TMEM232: variants seen among roughly 807,000 people sequenced by gnomAD.
TMEM232 encodes the protein transmembrane protein 232.
Under a neutral mutation model 78.8 loss-of-function variants are expected in TMEM232, and 80 were observed. The ratio of observed to expected loss-of-function variants is 1.01; its 90% CI spans 0.85 to 1.22. The LOEUF is 1.22. Among genes scored for constraint, TMEM232 ranks in the 50% most tolerant of loss-of-function variants. The pLI, the probability that TMEM232 is intolerant of heterozygous loss-of-function variation, is 0.00. For synonymous variants in TMEM232, 297 were observed against 254.3 expected (o/e 1.17, Z -1.60); for missense variants, 881 against 742.2 (o/e 1.19, Z -2.17).
chr5:110,478,005 G>A (rs894963843), intron 12 of TMEM232, among the ~76,000 whole-genome samples: 2 of 151,826 alleles, frequency 1.3e-5, no homozygotes, highest in Non-Finnish European at 3.0e-5. Context: ...TAGAATAGGT[G>A]TTATTATAGT....
chr5:110,733,844 T>C (rs1224626015), intron 2 of TMEM232, among the ~76,000 whole-genome samples: 8 of 152,196 alleles, frequency 5.3e-5, no homozygotes, highest in Non-Finnish European at 1.0e-4. Context: ...ATAAACTTTT[T>C]TAAAAAGTCA....
At chr5:110,657,465 G>C (rs1789243471) in intron 2 of TMEM232, among the ~76,000 whole-genome samples, 1 of 151,880 alleles carries the variant, frequency 6.6e-6, no homozygotes, top group Non-Finnish European at 1.5e-5. Context: ...GCAGTAACAT[G>C]AATGAACCTG....
At chr5:110,559,884 A>C (rs1288795810) in intron 11 of TMEM232, among the ~76,000 whole-genome samples, 5 of 152,004 alleles carry the variant, frequency 3.3e-5, no homozygotes, top group South Asian at 4.1e-4. Context: ...CAATACTTGA[A>C]ATTTCTTGGC....
intron 11 of TMEM232, among the ~76,000 whole-genome samples, chr5:110,536,125 C>G (rs971278744): frequency 1.8e-4 from 28 of 152,080 alleles, no homozygotes; most frequent in African/African-American, 6.3e-4. Flanking sequence ...CTTTTTCTGT[C>G]TTTTCCTTTC....
At chr5:110,512,686 T>C (rs2149475707) in intron 12 of TMEM232, among the ~76,000 whole-genome samples, 1 of 152,302 alleles carries the variant, frequency 6.6e-6, no homozygotes, top group African/African-American at 2.4e-5. Context: ...GTTTATTAAC[T>C]ACTGTAAAAA....
intron 1 of TMEM232, among the ~76,000 whole-genome samples, chr5:110,668,201 G>T (rs1790858961): frequency 6.6e-6 from 1 of 152,114 alleles, no homozygotes; most frequent in Admixed American, 6.6e-5. Flanking sequence ...TACAAAACAA[G>T]ATGGTTGTAT....
At chr5:110,554,900 T>C (rs938327390) in intron 11 of TMEM232, among the ~76,000 whole-genome samples, 1 of 152,192 alleles carries the variant, frequency 6.6e-6, no homozygotes, top group Non-Finnish European at 1.5e-5. Context: ...GTTATGTGTT[T>C]CCAGGAATTT....
Position 110,455,326 on chromosome 5 carries a change from G to C in TMEM232, c.1704-30410C>G, listed in dbSNP as rs1052236792. ...CCCTGATATTAAAACAAACAAAAAA[G>C]GATGTTACAGGAAAAACCTAGTGAA... is the stretch of plus-strand genomic sequence containing the variant. On this transcript the variant is annotated intron_variant, in intron 12 of 13. Coordinates refer to ENST00000455884, the MANE Select transcript of TMEM232 (RefSeq NM_001039763.4). Among the ~76,000 whole-genome samples the C allele has an allele frequency of 4.6e-5, 7 of 151,950 alleles. No homozygotes were observed. The East Asian group carries it at 1.2e-3, about 25-fold the overall frequency.
intron 11 of TMEM232, among the ~76,000 whole-genome samples, chr5:110,543,801 G>C (rs183336522): frequency 6.6e-6 from 1 of 152,246 alleles, no homozygotes; most frequent in Non-Finnish European, 1.5e-5. Flanking sequence ...TGCCAAAACA[G>C]TTTGGTTATA....
At chr5:110,622,140 T>A (rs1250608020) in intron 7 of TMEM232, among the ~76,000 whole-genome samples, 1 of 152,190 alleles carries the variant, frequency 6.6e-6, no homozygotes, top group Non-Finnish European at 1.5e-5. Context: ...CATAGGATAA[T>A]GCTCCTAATT....
At chr5:110,454,167 C>T (rs139497434) in intron 12 of TMEM232, among the ~76,000 whole-genome samples, 12 of 152,182 alleles carry the variant, frequency 7.9e-5, no homozygotes, top group African/African-American at 2.7e-4. Context: ...ATGTAATTAA[C>T]ATGTATAGAA....
chr5:110,428,288 C>G (rs1485459472), intron 12 of TMEM232, among the ~76,000 whole-genome samples: 2 of 151,836 alleles, frequency 1.3e-5, no homozygotes, highest in African/African-American at 4.8e-5. Context: ...CCCTCAGTTT[C>G]CCTAAACTTT....
At chr5:110,706,772 T>C (rs1012588352) in intron 1 of TMEM232, among the ~76,000 whole-genome samples, 7 of 152,162 alleles carry the variant, frequency 4.6e-5, no homozygotes, top group African/African-American at 1.7e-4. Flanking sequence ...GATTATCTCA[T>C]TTCTCTGTGA....
chr5:110,531,623 T>G (rs1490695210), intron 11 of TMEM232, among the ~76,000 whole-genome samples: 2 of 152,230 alleles, frequency 1.3e-5, no homozygotes, highest in Non-Finnish European at 2.9e-5. Flanking sequence ...GAGACATGTT[T>G]TATTCGTCTC....
intron 2 of TMEM232, among the ~76,000 whole-genome samples, chr5:110,400,654 A>G (rs1175943480): frequency 6.6e-6 from 1 of 152,150 alleles, no homozygotes; most frequent in East Asian, 1.9e-4. Context: ...AAATGCAGAT[A>G]TGTAGAATAC....
intron 12 of TMEM232, among the ~76,000 whole-genome samples, chr5:110,521,897 C>T (rs1412118930): frequency 1.3e-5 from 2 of 152,090 alleles, no homozygotes; most frequent in Non-Finnish European, 2.9e-5. Flanking sequence ...AAGTGTGATG[C>T]CTACAGGTAT....
chr5:110,526,814 T>C (rs945985215), intron 12 of TMEM232, among the ~76,000 whole-genome samples: 1 of 151,838 alleles, frequency 6.6e-6, no homozygotes, highest in Non-Finnish European at 1.5e-5. Flanking sequence ...GGCCAACCAA[T>C]AGAAAATTGG....
chr5:110,618,553 C>T lies in TMEM232; in HGVS notation c.778G>A (p.Glu260Lys). Residue 260 changes from glutamate to lysine, a missense_variant, in exon 8 of 14, where the codon GAA (glutamate) becomes AAA (lysine). By Grantham distance (56) the Glu-to-Lys change is moderately conservative. Coordinates refer to ENST00000455884, the MANE Select transcript of TMEM232 (RefSeq NM_001039763.4). ...ENTDSDMGGY[E>K]INHLLWHCVA... The stretch of plus-strand genomic sequence containing the variant: ...CAGTGCCAGAGCAGGTGGTTAATTT[C>T]ATATCCTCCCTGATTAAATTGCAAA... The T allele has an allele frequency of 6.5e-7, 1 of 1,546,700 alleles. No homozygotes were observed. Among genetic ancestry groups the T allele is most frequent in the Non-Finnish European group, 8.7e-7 (1 of 1,145,630 alleles).
chr5:110,726,783 C>T (rs531640367), upstream of TMEM232: 1 of 152,334 alleles, frequency 6.6e-6, no homozygotes, highest in East Asian at 1.9e-4. Context: ...GTCTCCACCA[C>T]ATTTGTGTTC....
Sources: gnomAD v4.1 joint callset for allele counts (sites outside exome capture counted in the v4.1 genomes callset) on GRCh38, gnomAD v4.1.1 for gene constraint, MANE v1.5 for transcripts, NCBI Gene and HGNC (gene_info 2026-07-23, HGNC 2026-07-21) for gene names.